CHN2: variants seen among roughly 807,000 people sequenced by gnomAD.
The protein encoded by CHN2 is beta-chimaerin.
CHN2 carries 35 observed loss-of-function variants against 56.3 expected under a neutral mutation model. The ratio of observed to expected loss-of-function variants is 0.62; its 90% CI spans 0.47 to 0.82. The LOEUF is 0.82. CHN2 is among the 40% of genes least tolerant of loss of function. The probability of loss-of-function intolerance (pLI) is 0.00; values close to 1 mark genes in which losing one functional copy is unlikely to be tolerated. For missense variants in CHN2, 491 were observed against 580.5 expected, an observed-to-expected ratio of 0.85 and a Z score of 1.58; for synonymous variants, 210 against 212.8, an observed-to-expected ratio of 0.99 and a Z score of 0.12.
At chr7:29,489,702 TG>T (rs1445767881) in intron 7 of CHN2, among the ~76,000 whole-genome samples, 1 of 152,238 alleles carries the variant, frequency 6.6e-6, no homozygotes, top group Admixed American at 6.5e-5. Flanking sequence ...TTTTGGGGAC[TG>T]TGTGGGGACA....
chr7:29,329,507 A>G (rs1796060870), intron 1 of CHN2, among the ~76,000 whole-genome samples: 1 of 151,084 alleles, frequency 6.6e-6, no homozygotes, highest in African/African-American at 2.4e-5. Context: ...TTTTCTTATC[A>G]GATGTAAATT....
chr7:29,250,851 C>T (rs919914613), intron 1 of CHN2, among the ~76,000 whole-genome samples: 5 of 148,430 alleles, frequency 3.4e-5, no homozygotes, highest in African/African-American at 1.3e-4. Context: ...GCTGGGATTA[C>T]AGGCACCCGC....
At chr7:29,185,302 G>A (rs755066231) in intron 2 of CHN2, among the ~76,000 whole-genome samples, 21 of 152,220 alleles carry the variant, frequency 1.4e-4, no homozygotes, top group African/African-American at 4.3e-4. Flanking sequence ...TCATTGAGAA[G>A]TGTCTTTTAA....
chr7:29,401,513 G>A (rs780486675), intron 6 of CHN2, among the ~76,000 whole-genome samples: 5 of 152,106 alleles, frequency 3.3e-5, no homozygotes, highest in Non-Finnish European at 5.9e-5. Context: ...GGCCAAATAC[G>A]TGGTATTTGT....
At chr7:29,408,140 A>G (rs1802832840) in intron 6 of CHN2, among the ~76,000 whole-genome samples, 1 of 152,072 alleles carries the variant, frequency 6.6e-6, no homozygotes. Context: ...TAGTGAGCCC[A>G]GATCACACCA....
chr7:29,149,848 G>A (rs1793348292), intron 2 of CHN2, among the ~76,000 whole-genome samples: 1 of 152,132 alleles, frequency 6.6e-6, no homozygotes, highest in Non-Finnish European at 1.5e-5. Context: ...GTCTGTCTCT[G>A]TGTCCCAATT....
chr7:29,361,061 G>C (rs1798694469), intron 2 of CHN2, among the ~76,000 whole-genome samples: 1 of 152,178 alleles, frequency 6.6e-6, no homozygotes, highest in Non-Finnish European at 1.5e-5. Context: ...CCCGGGGCTG[G>C]GAATTCCTGG....
chr7:29,172,575 C>G (rs1175986990), intron 2 of CHN2, among the ~76,000 whole-genome samples: 1 of 152,134 alleles, frequency 6.6e-6, no homozygotes, highest in South Asian at 2.1e-4. Context: ...CATGTTAACA[C>G]CCTCCAGATA....
chr7:29,450,984 T>C (rs1784365050), intron 6 of CHN2, among the ~76,000 whole-genome samples: 2 of 152,232 alleles, frequency 1.3e-5, no homozygotes, highest in African/African-American at 4.8e-5. Flanking sequence ...TTGGCCAGGC[T>C]GATCTTGAAC....
intron 1 of CHN2, among the ~76,000 whole-genome samples, chr7:29,294,154 C>T (rs572927785): frequency 6.6e-6 from 1 of 152,110 alleles, no homozygotes; most frequent in Non-Finnish European, 1.5e-5. Context: ...GTGTGAGCCA[C>T]GGCGCCCGGC....
intron 3 of CHN2, among the ~76,000 whole-genome samples, chr7:29,392,076 G>A (rs1801412621): frequency 6.6e-6 from 1 of 152,096 alleles, no homozygotes; most frequent in Non-Finnish European, 1.5e-5. Flanking sequence ...CCAAAAAGAT[G>A]GAAATTTAAA....
intron 1 of CHN2, among the ~76,000 whole-genome samples, chr7:29,226,169 A>G (rs1786179614): frequency 6.6e-6 from 1 of 152,356 alleles, no homozygotes; most frequent in Admixed American, 6.5e-5. Context: ...GATTGCCTGT[A>G]GTGTTACAAA....
At chr7:29,502,584 C>T (rs1161190651) in intron 9 of CHN2, among the ~76,000 whole-genome samples, 2 of 152,136 alleles carry the variant, frequency 1.3e-5, no homozygotes, top group Non-Finnish European at 1.5e-5. Flanking sequence ...TCTAACCATC[C>T]TTTATCATTT....
At chr7:29,207,206 A>C (rs540553994) in intron 1 of CHN2, among the ~76,000 whole-genome samples, 1 of 152,362 alleles carries the variant, frequency 6.6e-6, no homozygotes, top group Non-Finnish European at 1.5e-5. Context: ...CAAACAGAAA[A>C]TACAAACCCA....
intron 6 of CHN2, among the ~76,000 whole-genome samples, chr7:29,428,758 A>G (rs143886084): frequency 6.6e-6 from 1 of 152,310 alleles, no homozygotes; most frequent in East Asian, 1.9e-4. Flanking sequence ...TAGGGCCTAT[A>G]AAATTTATAT....
intron 1 of CHN2, among the ~76,000 whole-genome samples, chr7:29,271,110 G>A (rs1790597511): frequency 2.0e-5 from 3 of 152,118 alleles, no homozygotes; most frequent in Admixed American, 6.5e-5. Flanking sequence ...AGGTGGGGGT[G>A]GAAGAAGTGA....
At chr7:29,494,352 A>T (rs1789005196) in intron 7 of CHN2, among the ~76,000 whole-genome samples, 2 of 151,884 alleles carry the variant, frequency 1.3e-5, no homozygotes, top group Admixed American at 6.6e-5. Context: ...TTAACAATTG[A>T]CTTTGCTGCC....
At chr7:29,471,620 G>A (rs543397107) in intron 6 of CHN2, among the ~76,000 whole-genome samples, 8 of 152,232 alleles carry the variant, frequency 5.3e-5, no homozygotes, top group Non-Finnish European at 1.0e-4. Flanking sequence ...CTGTTCCTTC[G>A]GCACTTCTGT....
At chr7:29,327,751 C>T (rs1163343678) in intron 1 of CHN2, among the ~76,000 whole-genome samples, 3 of 152,148 alleles carry the variant, frequency 2.0e-5, no homozygotes, top group Non-Finnish European at 4.4e-5. Context: ...GGATAATAAC[C>T]AGTTTACGGC....
Sources: allele counts gnomAD v4.1 joint callset (sites outside exome capture counted in the v4.1 genomes callset), GRCh38; gene constraint gnomAD v4.1.1; transcripts MANE v1.5; gene names NCBI Gene and HGNC (gene_info 2026-07-23, HGNC 2026-07-21).